The following ZNF337 variants were observed in gnomAD, a reference collection of about 807,000 sequenced individuals.
ZNF337 encodes zinc finger protein 337.
ZNF337 carries 8 observed loss-of-function variants against 12.1 expected under a neutral mutation model. The observed-to-expected ratio is 0.66, with a 90% CI of 0.39 to 1.19. ZNF337 has a LOEUF of 1.19. ZNF337 is among the 50% of genes most tolerant of loss of function. The probability of loss-of-function intolerance (pLI) is 0.01; values close to 1 mark genes in which losing one functional copy is unlikely to be tolerated. For missense variants in ZNF337, 882 were observed against 896.6 expected, an observed-to-expected ratio of 0.98 and a Z score of 0.21; for synonymous variants, 336 against 320.0, an observed-to-expected ratio of 1.05 and a Z score of -0.53.
chr20:25,685,148 G>A (rs1479654142), intron 4 of ZNF337, among the ~76,000 whole-genome samples: 1 of 148,302 alleles, frequency 6.7e-6, no homozygotes, highest in African/African-American at 2.5e-5. Context: ...TCAGTATATA[G>A]AAGAATGAGA....
In ZNF337 at chr20:25,676,194, G is replaced by T; in HGVS notation, c.1094C>A (p.Thr365Lys). Residue 365 changes from threonine to lysine, a missense_variant, in exon 5 of 5, where the codon ACA (threonine) becomes AAA (lysine). Transcript: ENST00000252979. The part of the protein sequence containing the change: ...RGFSNKSHLI[T>K]HQRTHSGEKP... The stretch of plus-strand genomic sequence containing the variant: ...CTCCCCTGAGTGTGTCCTCTGGTGT[G>T]TGATAAGGTGTGACTTATTGCTAAA... 6.2e-7 allele frequency: 1 copy of T among 1,613,146 alleles called. No homozygotes were observed. The highest frequency in any genetic ancestry group is 1.1e-5 in the South Asian group (1 of 91,034).
intron 4 of ZNF337, among the ~76,000 whole-genome samples, chr20:25,683,240 TC>T (rs2065788750): frequency 6.6e-6 from 1 of 151,014 alleles, no homozygotes; most frequent in Non-Finnish European, 1.5e-5. Flanking sequence ...ATCATCATCA[TC>T]ATCATCATCA....
intron 3 of ZNF337, 31 bp from the exon 4 acceptor site, chr20:25,685,693 C>T: frequency 1.9e-6 from 3 of 1,598,258 alleles, no homozygotes; most frequent in East Asian, 4.5e-5. Context: ...CATGAGGTGA[C>T]TCCTGGTTGT....
chr20:25,680,946 A>T (rs777656344), intron 4 of ZNF337: 1 of 152,274 alleles, frequency 6.6e-6, no homozygotes, highest in Non-Finnish European at 1.5e-5. Flanking sequence ...CAGACAAATC[A>T]GCAAGCAATT....
intron 4 of ZNF337, among the ~76,000 whole-genome samples, chr20:25,685,054 A>T (rs1447710540): frequency 6.6e-6 from 1 of 151,962 alleles, no homozygotes; most frequent in East Asian, 1.9e-4. Context: ...GTAGCAAACC[A>T]ACATGGCACA....
chr20:25,676,705 C>T lies in ZNF337; in HGVS notation c.583G>A (p.Val195Ile). Reference protein sequence around the residue: ...RGQDFSRKMMVIIHKKAHSRQ... With the variant: ...RGQDFSRKMMIIIHKKAHSRQ... ...GAATGTGCTTTTTTGTGTATGATTACCATCATCTTCCGGCTGAAGTCTTGC... is the reference window on the plus strand; with the variant it reads ...GAATGTGCTTTTTTGTGTATGATTATCATCATCTTCCGGCTGAAGTCTTGC... The change falls in exon 5 of 5, where the codon GTA (valine) becomes ATA (isoleucine). Residue 195 changes from valine to isoleucine, a missense_variant. Transcript: ENST00000252979. The T allele has an allele frequency of 6.2e-7, 1 of 1,614,194 alleles. No homozygotes were observed. The highest frequency in any genetic ancestry group is 1.3e-5 in the African/African-American group (1 of 75,040).
At position 25,676,057 on chromosome 20, in the gene ZNF337, G is replaced by A. The variant is rs199670527; in HGVS notation, c.1231C>T (p.Arg411Ter). 84 of 1,613,908 alleles carry A rather than the reference G, an allele frequency of 5.2e-5. 1 individual carries two copies. The highest frequency in any genetic ancestry group is 2.9e-4 in the East Asian group (13 of 44,852). Residue 411 changes from arginine to a stop codon, truncating the protein, a stop_gained, in exon 5 of 5, where the codon CGA (arginine) becomes TGA (stop). Transcript: ENST00000252979. LOFTEE classifies it low-confidence loss of function (END_TRUNC). ...EKPFVCKDCERSFSQKSTLVY... is the reference protein window; with the variant it reads ...EKPFVCKDCE ...AGAGTTGACTTTTGGCTAAAGCTTC[G>A]CTCACAATCCTTGCACACAAAAGGC...
intron 4 of ZNF337, among the ~76,000 whole-genome samples, chr20:25,684,239 A>T (rs1302265995): frequency 6.7e-6 from 1 of 150,260 alleles, no homozygotes; most frequent in Non-Finnish European, 1.5e-5. Context: ...GCACTAGGAG[A>T]TATACCTAAT....
Position 25,676,359 on chromosome 20 carries a change from T to A in ZNF337, c.929A>T (p.His310Leu), listed in dbSNP as rs2065689798. Residue 310 changes from histidine to leucine, a missense_variant, in exon 5 of 5, where the codon CAC becomes CTC. Physicochemically the swap from His to Leu is moderately conservative, Grantham distance 99. Transcript: ENST00000252979. ...CTTCTCCCCTGAATGCGCCTTCAAG[T>A]GCTTGTTGTATGAGGACTTATCGTT... ...RFNDKSSYNK[H>L]LKAHSGEKPF... The A allele has an allele frequency of 3.1e-6, 5 of 1,614,160 alleles. No individual in the cohort carries two copies. The highest frequency in any genetic ancestry group is 4.2e-6 in the Non-Finnish European group (5 of 1,180,018).
chr20:25,674,413 C>G lies in ZNF337; in HGVS notation c.*619G>C, dbSNP rs1397991385. ...GGGCCACAGGACAAACTCCCTCTAT[C>G]AAGCCTTTTCATAAGGGCACCTGAT... On this transcript the variant is annotated 3_prime_UTR_variant, in exon 5 of 5. Transcript: ENST00000252979. The G allele has an allele frequency of 6.6e-6, 1 of 152,384 alleles. No homozygotes were observed. The highest frequency in any genetic ancestry group is 2.4e-5 in the African/African-American group (1 of 41,446). 9.4% of individuals were successfully genotyped at this position (152,384 alleles called of 1,614,324 possible).
rs1479617465 is a variant in ZNF337, at chr20:25,688,929, G to A, written c.-49-2463C>T. ...CTCCTCCTCGTGGTCAGGAGATTGA[G>A]ACCGTCCTGGCTAACACCGTGAAAC... On this transcript the variant is annotated intron_variant, in intron 1 of 4. Coordinates refer to ENST00000252979, the MANE Select transcript of ZNF337 (RefSeq NM_015655.4). Among the ~76,000 whole-genome samples the A allele has an allele frequency of 2.0e-5, 3 of 152,182 alleles. No homozygotes were observed. In the East Asian group the frequency reaches 5.8e-4, roughly 29 times the overall value.
intron 1 of ZNF337, among the ~76,000 whole-genome samples, chr20:25,687,223 C>G (rs1214581162): frequency 6.6e-6 from 1 of 152,102 alleles, no homozygotes; most frequent in Admixed American, 6.5e-5. Flanking sequence ...CTTAAACACC[C>G]CTTCTCACCC....
At chr20:25,693,565 A>T (rs1248705899) in intron 1 of ZNF337, among the ~76,000 whole-genome samples, 2 of 152,230 alleles carry the variant, frequency 1.3e-5, no homozygotes, top group Non-Finnish European at 2.9e-5. Flanking sequence ...TGCACCACGA[A>T]TGCAGCAGCC....
At position 25,686,249 on chromosome 20, in the gene ZNF337, G is replaced by A. The variant is rs908814903; in HGVS notation, c.28-127C>T. 3.6e-5 allele frequency: 55 copies of A among 1,508,152 alleles called. No individual in the cohort carries two copies. The African/African-American group carries it at 6.7e-4, about 18-fold the overall frequency. The allele number at this position is 1,508,152 out of a possible 1,614,324, so 93.4% of individuals were successfully genotyped here. A position where few individuals can be genotyped will look rare whatever the true frequency, so the allele number is the denominator to read the frequency against. On this transcript the variant is annotated intron_variant, in intron 2 of 4. Coordinates refer to ENST00000252979, the MANE Select transcript of ZNF337 (RefSeq NM_015655.4). ...AGTGACACCCACAGGCCAGTCACCT[G>A]CTGGAGGACGCCAGGAAAGACAGAT...
At chr20:25,695,322 C>T (rs572496795) in intron 1 of ZNF337, among the ~76,000 whole-genome samples, 1 of 152,172 alleles carries the variant, frequency 6.6e-6, no homozygotes, top group African/African-American at 2.4e-5. Flanking sequence ...AGACATTTAC[C>T]ATCTATTCTG....
At position 25,696,811 on chromosome 20, in the gene ZNF337, C is replaced by G; in HGVS notation, c.-102G>C. The G allele has an allele frequency of 2.0e-6, 2 of 985,544 alleles. No homozygotes were observed. Among genetic ancestry groups the G allele is most frequent in the Non-Finnish European group, 2.4e-6 (2 of 830,004 alleles). 61.0% of individuals were successfully genotyped at this position (985,544 alleles called of 1,614,324 possible). A position where few individuals can be genotyped will look rare whatever the true frequency, so the allele number is the denominator to read the frequency against. ...GTGAGGTCACCGATGGTGGACCACG[C>G]ATCTCACGGCTCGCTGACGCCCAGG... On this transcript the variant is annotated 5_prime_UTR_variant, in exon 1 of 5. An upstream start codon of the reference 5' UTR is lost. Transcript: ENST00000252979.
chr20:25,679,194 G>A (rs573730899), intron 4 of ZNF337, among the ~76,000 whole-genome samples: 12 of 152,104 alleles, frequency 7.9e-5, no homozygotes, highest in Non-Finnish European at 1.5e-4. Flanking sequence ...TTAAACATGA[G>A]TTCCACAATT....
rs959289316 is a variant in ZNF337 at position 25,674,842 on chromosome 20, C to G, written c.*190G>C. 1.1e-5 allele frequency: 7 copies of G among 608,878 alleles called. No individual in the cohort carries two copies. Among genetic ancestry groups the G allele is most frequent in the Non-Finnish European group, 2.0e-5 (7 of 348,162 alleles). 37.7% of individuals were successfully genotyped at this position (608,878 alleles called of 1,614,324 possible). A position where few individuals can be genotyped will look rare whatever the true frequency, so the allele number is the denominator to read the frequency against. ...TCCCCTCAACTGGCATCTCTGTTCC[C>G]TAAACATTGACCTCTTTTCTCTGAA... On this transcript the variant is annotated 3_prime_UTR_variant, in exon 5 of 5. Transcript: ENST00000252979.
intron 1 of ZNF337, among the ~76,000 whole-genome samples, chr20:25,692,129 G>A (rs958801015): frequency 4.6e-5 from 7 of 152,138 alleles, no homozygotes; most frequent in South Asian, 2.1e-4. Flanking sequence ...AGATCACAAC[G>A]AGAGAAGTAA....
Sources: gnomAD v4.1 joint callset for allele counts (sites outside exome capture counted in the v4.1 genomes callset) on GRCh38, gnomAD v4.1.1 for gene constraint, MANE v1.5 for transcripts, NCBI Gene and HGNC (gene_info 2026-07-23, HGNC 2026-07-21) for gene names.